The following CDK19 variants were observed in gnomAD, a reference collection of about 807,000 sequenced individuals.
CDK19 encodes the protein cyclin-dependent kinase 19.
In CDK19, 20 loss-of-function variants were observed where a neutral mutation model predicts 68.3. That is an observed-to-expected ratio of 0.29 (90% CI 0.21 to 0.43). CDK19 has a LOEUF of 0.43. CDK19 is among the 20% of genes least tolerant of loss of function. The pLI is 1.00. For missense variants in CDK19, 339 were observed against 623.5 expected, an observed-to-expected ratio of 0.54 and a Z score of 4.86; for synonymous variants, 221 against 222.8, an observed-to-expected ratio of 0.99 and a Z score of 0.07.
At chr6:110,750,393 AG>A (rs1324725367) in intron 1 of CDK19, among the ~76,000 whole-genome samples, 3 of 152,132 alleles carry the variant, frequency 2.0e-5, no homozygotes, top group Non-Finnish European at 4.4e-5. Context: ...TTCATGACAG[AG>A]GGGTAATAAG....
At chr6:110,645,452 A>C (rs540834456) in intron 4 of CDK19, among the ~76,000 whole-genome samples, 1 of 152,338 alleles carries the variant, frequency 6.6e-6, no homozygotes, top group Admixed American at 6.5e-5. Context: ...TATGTTAGGA[A>C]GAGAAAAAGG....
intron 2 of CDK19, among the ~76,000 whole-genome samples, chr6:110,738,690 C>T (rs979897292): frequency 6.6e-6 from 1 of 152,074 alleles, no homozygotes; most frequent in African/African-American, 2.4e-5. Flanking sequence ...GGCTTATAGA[C>T]ATTTTAGAGT....
At chr6:110,739,489 C>T (rs944295395) in intron 2 of CDK19, among the ~76,000 whole-genome samples, 1 of 152,114 alleles carries the variant, frequency 6.6e-6, no homozygotes, top group African/African-American at 2.4e-5. Context: ...ACAGCCCAAA[C>T]AGACTAAGAC....
At position 110,667,596 on chromosome 6, in the gene CDK19, A is replaced by G. The variant is rs748310932; in HGVS notation, c.316-22T>C. ...TATGCTAAAAATTAAAAAAAAACAT[A>G]ATAATATAGTCTTTGCTAATATCTA... On this transcript the variant is annotated intron_variant, in intron 3 of 12. Coordinates refer to ENST00000368911, the MANE Select transcript of CDK19 (RefSeq NM_015076.5). 10 of 1,302,620 alleles carry G rather than the reference A, an allele frequency of 7.7e-6. No individual in the cohort carries two copies. The South Asian group carries it at 1.5e-4, about 19-fold the overall frequency. 80.7% of individuals were successfully genotyped at this position (1,302,620 alleles called of 1,614,324 possible). A position where few individuals can be genotyped will look rare whatever the true frequency, so the allele number is the denominator to read the frequency against.
intron 4 of CDK19, among the ~76,000 whole-genome samples, chr6:110,660,266 G>C (rs1053826986): frequency 2.0e-5 from 3 of 152,054 alleles, no homozygotes; most frequent in Non-Finnish European, 4.4e-5. Context: ...TCTCAGGAGG[G>C]GAAGCATGCA....
intron 4 of CDK19, among the ~76,000 whole-genome samples, chr6:110,666,023 A>T (rs1025643755): frequency 6.6e-6 from 1 of 151,762 alleles, no homozygotes; most frequent in African/African-American, 2.4e-5. Context: ...GACTACAGGC[A>T]TGAGCCACCA....
At position 110,615,897 on chromosome 6, in the gene CDK19, G is replaced by A. The variant is rs577279212; in HGVS notation, c.1378-1231C>T. Among the ~76,000 whole-genome samples, 6 of 151,936 alleles carry A rather than the reference G, an allele frequency of 3.9e-5. No homozygotes were observed. In the South Asian group the frequency reaches 8.4e-4, roughly 21 times the overall value. On this transcript the variant is annotated intron_variant, in intron 12 of 12. Coordinates refer to ENST00000368911, the MANE Select transcript of CDK19 (RefSeq NM_015076.5). ...AAGGCTTTTCAGACTTTTGCATTTC[G>A]GATGACTCCACCCAGACTGAGACTC...
At chr6:110,811,041 A>C (rs1050608616) in intron 1 of CDK19, among the ~76,000 whole-genome samples, 5 of 152,168 alleles carry the variant, frequency 3.3e-5, no homozygotes, top group Non-Finnish European at 7.4e-5. Flanking sequence ...ATTACAGGCT[A>C]TCTCTGCTGT....
chr6:110,775,310 T>G (rs1048781617), intron 1 of CDK19, among the ~76,000 whole-genome samples: 1 of 152,162 alleles, frequency 6.6e-6, no homozygotes, highest in Non-Finnish European at 1.5e-5. Context: ...AAATAGAGAA[T>G]GGCAAATCCT....
At position 110,610,795 on chromosome 6, in the gene CDK19, T is replaced by C. The variant is rs1434787648; in HGVS notation, c.*3740A>G. 19 of 152,256 alleles carry C rather than the reference T, an allele frequency of 1.2e-4. No individual in the cohort carries two copies. Among genetic ancestry groups the C allele is most frequent in the East Asian group, 1.9e-4 (1 of 5,202 alleles). The allele number at this position is 152,256 out of a possible 1,614,324, so 9.4% of individuals were successfully genotyped here. A position where few individuals can be genotyped will look rare whatever the true frequency, so the allele number is the denominator to read the frequency against. The stretch of plus-strand genomic sequence containing the variant: ...TCTTCCTTCATTGTATAGTTTCTGC[T>C]GCATAAATTTACTCAAAAGCACATC... On this transcript the variant is annotated 3_prime_UTR_variant, in exon 13 of 13. Coordinates refer to ENST00000368911, the MANE Select transcript of CDK19 (RefSeq NM_015076.5).
intron 2 of CDK19, among the ~76,000 whole-genome samples, chr6:110,727,453 T>C (rs558905060): frequency 2.0e-3 from 299 of 152,240 alleles, no homozygotes; most frequent in Non-Finnish European, 3.5e-3. Context: ...TAGTATTAAT[T>C]ATATTCAAAA....
intron 1 of CDK19, among the ~76,000 whole-genome samples, chr6:110,751,919 T>C (rs1778498041): frequency 6.6e-6 from 1 of 152,186 alleles, no homozygotes. Context: ...TATTTTTTTC[T>C]TCAAGAAGAA....
intron 2 of CDK19, among the ~76,000 whole-genome samples, chr6:110,694,491 C>A (rs1269723379): frequency 6.6e-6 from 1 of 152,140 alleles, no homozygotes; most frequent in Non-Finnish European, 1.5e-5. Context: ...GCACCTAACA[C>A]TGGAGCTCCC....
intron 2 of CDK19, among the ~76,000 whole-genome samples, chr6:110,680,542 TGAAA>T (rs1375667242): frequency 6.6e-6 from 1 of 152,178 alleles, no homozygotes; most frequent in African/African-American, 2.4e-5. Flanking sequence ...TGTTGTTTAC[TGAAA>T]GAAACAAATG....
chr6:110,685,489 C>T (rs1772397660), intron 2 of CDK19, among the ~76,000 whole-genome samples: 1 of 152,166 alleles, frequency 6.6e-6, no homozygotes, highest in African/African-American at 2.4e-5. Flanking sequence ...AATTGTCTCC[C>T]CCTAACTGAT....
chr6:110,732,979 A>G (rs931757288), intron 2 of CDK19, among the ~76,000 whole-genome samples: 23 of 152,158 alleles, frequency 1.5e-4, no homozygotes, highest in Admixed American at 1.5e-3. Flanking sequence ...AGAAAGGAGA[A>G]TCGCTTGAAC....
chr6:110,790,937 T>G (rs11153255), intron 1 of CDK19, among the ~76,000 whole-genome samples: 7,217 of 152,164 alleles, frequency 0.047, 180 homozygotes, highest in Middle Eastern at 0.078. Flanking sequence ...TTTGGGAGGC[T>G]GAGGTAGGTG....
intron 12 of CDK19, among the ~76,000 whole-genome samples, chr6:110,617,660 T>TACAC (rs1317691490): frequency 0.03 from 1,985 of 66,552 alleles, 25 homozygotes; most frequent in South Asian, 0.038. Flanking sequence ...TTTATATATA[T>TACAC]ATACACACAC....
chr6:110,637,089 C>A (rs2114744959), intron 5 of CDK19, among the ~76,000 whole-genome samples: 1 of 152,316 alleles, frequency 6.6e-6, no homozygotes, highest in East Asian at 1.9e-4. Flanking sequence ...GCTGAGGAAG[C>A]TACAACCTCT....
Sources: gnomAD v4.1 joint callset for allele counts (sites outside exome capture counted in the v4.1 genomes callset) on GRCh38, gnomAD v4.1.1 for gene constraint, MANE v1.5 for transcripts, NCBI Gene and HGNC (gene_info 2026-07-23, HGNC 2026-07-21) for gene names.